Variants in REEP1 observed in about 807,000 individuals in gnomAD.
REEP1 encodes receptor expression-enhancing protein 1.
Under a neutral mutation model 40.3 loss-of-function variants are expected in REEP1, and 22 were observed. That is an observed-to-expected ratio of 0.55 (90% confidence interval 0.39 to 0.78). The LOEUF (loss-of-function observed/expected upper bound fraction) is 0.78. Among genes scored for constraint, REEP1 ranks in the 30% least tolerant of loss-of-function variants. REEP1 has a pLI of 0.00. For missense variants in REEP1, 280 were observed against 361.1 expected, an observed-to-expected ratio of 0.78 and a Z score of 1.82; for synonymous variants, 116 against 139.2, an observed-to-expected ratio of 0.83 and a Z score of 1.17.
Position 86,254,854 on chromosome 2 carries a change from C to A in REEP1, c.183-40G>T, listed in dbSNP as rs1398844144. The A allele has an allele frequency of 2.5e-6, 4 of 1,609,682 alleles. No individual in the cohort carries two copies. The African/African-American group carries it at 4.0e-5, about 16-fold the overall frequency. On this transcript the variant is annotated intron_variant, in intron 3 of 8. Coordinates refer to ENST00000538924, the MANE Select transcript of REEP1 (RefSeq NM_001371279.1). Reference sequence around the variant, plus strand: ...GAAAACACAAGTTCTGTTAGGTTCTCAGCAACACTGCCCTTTTGAAGGATG... The same window carrying A: ...GAAAACACAAGTTCTGTTAGGTTCTAAGCAACACTGCCCTTTTGAAGGATG...
chr2:86,246,132 G>A (rs1302577748), intron 5 of REEP1, among the ~76,000 whole-genome samples: 1 of 152,174 alleles, frequency 6.6e-6, no homozygotes, highest in East Asian at 1.9e-4. Flanking sequence ...ATATTAGACA[G>A]GGCAGGGTTA....
intron 6 of REEP1, 120 bp downstream of exon 6, chr2:86,232,505 C>T: frequency 5.8e-6 from 7 of 1,212,984 alleles, no homozygotes; most frequent in Non-Finnish European, 7.1e-6. Flanking sequence ...TGATGGACAC[C>T]CCGTTGGTGG....
chr2:86,282,656 C>G (rs746410353), intron 1 of REEP1, among the ~76,000 whole-genome samples: 1 of 152,188 alleles, frequency 6.6e-6, no homozygotes, highest in African/African-American at 2.4e-5. Context: ...TTTCACTCCC[C>G]TTGGACTTGA....
rs752070305 is a variant in REEP1, at chr2:86,232,631, T to C, written c.589A>G (p.Ser197Gly). The C allele has an allele frequency of 2.4e-5, 38 of 1,612,868 alleles. 1 individual carries two copies. In the South Asian group the frequency reaches 3.8e-4, roughly 16 times the overall value. The stretch of plus-strand genomic sequence containing the variant: ...GAAGTAAAGTGACACCTACCTGAGC[T>C]GCTAGCGCTCTCAGAAGCACTCCTG... ...MSRSASESAS[S>G]SVCTCCSTCR... The change falls in exon 6 of 9, where the codon AGC becomes GGC. Residue 197 changes from serine to glycine, a missense_variant. Transcript: ENST00000538924.
At chr2:86,282,055 G>A (rs528646137) in intron 2 of REEP1, 115 bp downstream of exon 2, 2 of 764,222 alleles carry the variant, frequency 2.6e-6, no homozygotes, top group Admixed American at 1.7e-5. Context: ...TGTGATGAAG[G>A]AACTCCTTTT....
chr2:86,280,619 C>T (rs1678029506), intron 2 of REEP1, among the ~76,000 whole-genome samples: 1 of 152,168 alleles, frequency 6.6e-6, no homozygotes, highest in African/African-American at 2.4e-5. Flanking sequence ...TCAGGAGGTT[C>T]TGTGCTTGCA....
chr2:86,243,777 C>T (rs564715262), intron 5 of REEP1, among the ~76,000 whole-genome samples: 2 of 152,180 alleles, frequency 1.3e-5, no homozygotes, highest in Admixed American at 6.5e-5. Flanking sequence ...AAATGGTTGC[C>T]GTGGTGAATT....
chr2:86,232,608 A>G lies in REEP1; in HGVS notation c.595+17T>C, dbSNP rs1675084706. 6.2e-7 allele frequency: 1 copy of G among 1,611,420 alleles called. No individual in the cohort carries two copies. Among genetic ancestry groups the G allele is most frequent in the African/African-American group, 1.3e-5 (1 of 74,922 alleles). Reference sequence around the variant, plus strand: ...GGCCCAAGGAGTGGGAAAGAGGGGAAGTAAAGTGACACCTACCTGAGCTGC... The same window carrying G: ...GGCCCAAGGAGTGGGAAAGAGGGGAGGTAAAGTGACACCTACCTGAGCTGC... On this transcript the variant is annotated intron_variant, in intron 6 of 8. Transcript: ENST00000538924.
intron 5 of REEP1, among the ~76,000 whole-genome samples, chr2:86,239,743 T>C (rs1245967320): frequency 6.6e-6 from 1 of 152,222 alleles, no homozygotes; most frequent in Non-Finnish European, 1.5e-5. Context: ...ATTCAATCCA[T>C]TCTCCAGGCA....
chr2:86,222,010 C>T (rs1558867181), intron 7 of REEP1, among the ~76,000 whole-genome samples: 1 of 152,122 alleles, frequency 6.6e-6, no homozygotes, highest in Non-Finnish European at 1.5e-5. Context: ...TATGCTGTAC[C>T]CTCCACATCC....
At chr2:86,298,018 A>G (rs1679066474) in intron 1 of REEP1, among the ~76,000 whole-genome samples, 1 of 152,208 alleles carries the variant, frequency 6.6e-6, no homozygotes, top group African/African-American at 2.4e-5. Flanking sequence ...GAGTTGAGGC[A>G]TCGTCAGAGA....
At chr2:86,332,484 C>T (rs1486645755) in intron 1 of REEP1, among the ~76,000 whole-genome samples, 1 of 149,830 alleles carries the variant, frequency 6.7e-6, no homozygotes. Flanking sequence ...CGTTCACTCA[C>T]ATACACTCAT....
At chr2:86,309,457 C>T (rs775132343) in intron 1 of REEP1, among the ~76,000 whole-genome samples, 4 of 152,256 alleles carry the variant, frequency 2.6e-5, no homozygotes, top group Admixed American at 6.5e-5. Context: ...CGGCCAAACA[C>T]GGCCTTCACA....
Position 86,324,514 on chromosome 2 carries a change from C to G in REEP1, c.32+12965G>C, listed in dbSNP as rs148492032. Among the ~76,000 whole-genome samples, 36 of 152,212 alleles carry G rather than the reference C, an allele frequency of 2.4e-4. No homozygotes were observed. The East Asian group carries it at 6.2e-3, about 26-fold the overall frequency. ...ATCAAGTGATGGTAAAGACACTGTG[C>G]AAATGGAATCGCACCCACTGCTGAA... On this transcript the variant is annotated intron_variant, in intron 1 of 8. Coordinates refer to ENST00000538924, the MANE Select transcript of REEP1 (RefSeq NM_001371279.1).
chr2:86,256,022 C>T (rs1421080169), intron 3 of REEP1, among the ~76,000 whole-genome samples: 1 of 152,256 alleles, frequency 6.6e-6, no homozygotes, highest in Non-Finnish European at 1.5e-5. Flanking sequence ...GGAACTGCCC[C>T]TCCCACAAGG....
At chr2:86,302,320 T>G (rs1679289454) in intron 1 of REEP1, among the ~76,000 whole-genome samples, 1 of 152,236 alleles carries the variant, frequency 6.6e-6, no homozygotes, top group Admixed American at 6.5e-5. Flanking sequence ...AGCTGCCGTT[T>G]CCTCCAAATG....
intron 5 of REEP1, among the ~76,000 whole-genome samples, chr2:86,250,988 G>A (rs905652091): frequency 5.3e-5 from 8 of 151,996 alleles, no homozygotes; most frequent in African/African-American, 1.5e-4. Flanking sequence ...AAGCCCCATC[G>A]CCTCCTTCCC....
chr2:86,253,395 T>C (rs962249308), intron 4 of REEP1, among the ~76,000 whole-genome samples: 1 of 152,208 alleles, frequency 6.6e-6, no homozygotes, highest in African/African-American at 2.4e-5. Context: ...TCCATTGCTT[T>C]GAGGTGTGCA....
At chr2:86,337,722 C>T, upstream of REEP1, 1 of 930,080 alleles carries the variant, frequency 1.1e-6, no homozygotes, top group Non-Finnish European at 1.3e-6. This position sits in a 1 kb window ranked among gnomAD's most constrained non-coding sequence, Gnocchi z 5.8. Context: ...CGGGGCTCGG[C>T]GGGCCCGCAG....
Sources: allele counts gnomAD v4.1 joint callset (sites outside exome capture counted in the v4.1 genomes callset), GRCh38; gene constraint gnomAD v4.1.1; non-coding constraint Gnocchi (gnomAD v3.1); transcripts MANE v1.5; gene names NCBI Gene and HGNC (gene_info 2026-07-23, HGNC 2026-07-21).